GIGYF2: variants seen among roughly 807,000 people sequenced by gnomAD.
GIGYF2 encodes the protein GRB10-interacting GYF protein 2.
GIGYF2 carries 25 observed loss-of-function variants against 208.1 expected under a neutral mutation model. The observed-to-expected ratio is 0.12, with a 90% CI of 0.09 to 0.17. The LOEUF (loss-of-function observed/expected upper bound fraction) is 0.17. Among genes scored for constraint, GIGYF2 ranks in the 10% least tolerant of loss-of-function variants. The probability of loss-of-function intolerance (pLI) is 1.00; values close to 1 mark genes in which losing one functional copy is unlikely to be tolerated. For missense variants in GIGYF2, 1,302 were observed against 1,579.4 expected (o/e 0.82, Z 2.98); for synonymous variants, 534 against 543.8 (o/e 0.98, Z 0.25).
intron 8 of GIGYF2, among the ~76,000 whole-genome samples, chr2:232,771,777 C>T (rs899414014): frequency 6.6e-5 from 10 of 152,068 alleles, no homozygotes; most frequent in Non-Finnish European, 1.0e-4. Flanking sequence ...TATAATTATG[C>T]ATTATTCATA....
In GIGYF2 at chr2:232,832,915, A is replaced by C. The variant is rs1256425816; in HGVS notation, c.2588A>C (p.Glu863Ala). 11 of 1,564,954 alleles carry C rather than the reference A, an allele frequency of 7.0e-6. No homozygotes were observed. Among genetic ancestry groups the C allele is most frequent in the Non-Finnish European group, 9.5e-6 (11 of 1,154,600 alleles). ...EEEEAQRRLE[E>A]NRLRMEEEAA... The stretch of plus-strand genomic sequence containing the variant: ...GAAGAAGCCCAGCGTCGATTAGAGG[A>C]GAACCGGCTGCGGATGGAAGAGGAG... The change falls in exon 22 of 29, where the codon GAG (glutamate) becomes GCG (alanine). Residue 863 changes from glutamate (E) to alanine (A), a missense_variant. Physicochemically the swap from Glu to Ala is moderately radical, Grantham distance 107. Around this residue, in one of 8 missense-constraint regions of GIGYF2, gnomAD observed 701 missense variants for 793.0 expected, o/e 0.88. Transcript: ENST00000373563.
At chr2:232,747,084 C>T (rs1698176468) in intron 3 of GIGYF2, among the ~76,000 whole-genome samples, 1 of 152,040 alleles carries the variant, frequency 6.6e-6, no homozygotes. Flanking sequence ...TTTTGTATAG[C>T]ATACTTTATT....
intron 8 of GIGYF2, among the ~76,000 whole-genome samples, chr2:232,773,714 C>T (rs1699379495): frequency 6.6e-6 from 1 of 151,894 alleles, no homozygotes; most frequent in African/African-American, 2.4e-5. Flanking sequence ...TGCCAGGAAT[C>T]ATACCAAATA....
At chr2:232,768,210 T>C (rs764061215) in intron 8 of GIGYF2, 1 of 1,614,174 alleles carries the variant, frequency 6.2e-7, no homozygotes, top group Non-Finnish European at 8.5e-7. Flanking sequence ...CAGTCCTGTT[T>C]CAGAGATCTG....
chr2:232,723,727 C>CTTTTTT (rs142680480), intron 2 of GIGYF2, among the ~76,000 whole-genome samples: 13 of 65,506 alleles, frequency 2.0e-4, no homozygotes, highest in Non-Finnish European at 2.4e-4. Context: ...TGTGCCCGGC[C>CTTTTTT]TTTTTTTTTT....
chr2:232,775,498 T>C (rs1205449308), intron 8 of GIGYF2, among the ~76,000 whole-genome samples: 2 of 152,220 alleles, frequency 1.3e-5, no homozygotes, highest in East Asian at 1.9e-4. Flanking sequence ...TAAAAAATTA[T>C]ACTATTGTTA....
chr2:232,809,703 C>T lies in GIGYF2; in HGVS notation c.1807-17C>T, dbSNP rs372786733. 10 of 1,483,288 alleles carry T rather than the reference C, an allele frequency of 6.7e-6. No individual in the cohort carries two copies. The East Asian group carries it at 1.6e-4, about 23-fold the overall frequency. The allele number at this position is 1,483,288 out of a possible 1,614,324, so 91.9% of individuals were successfully genotyped here. A position where few individuals can be genotyped will look rare whatever the true frequency, so the allele number is the denominator to read the frequency against. On this transcript the variant is annotated splice_polypyrimidine_tract_variant and intron_variant, in intron 15 of 28. Transcript: ENST00000373563. ...GTTTATTTAATGGTATTTATTTCCT[C>T]ACCACTTCATTCCTAGGGAGAGCTG... is the stretch of plus-strand genomic sequence containing the variant.
Position 232,734,195 on chromosome 2 carries a change from C to T in GIGYF2, c.-43-960C>T, listed in dbSNP as rs546735910. Among the ~76,000 whole-genome samples, 214 of 149,964 alleles carry T rather than the reference C, an allele frequency of 1.4e-3. 1 individual carries two copies. The highest frequency in any genetic ancestry group is 3.4e-3 in the Middle Eastern group (1 of 292). On this transcript the variant is annotated intron_variant, in intron 2 of 28. Coordinates refer to ENST00000373563, the MANE Select transcript of GIGYF2 (RefSeq NM_001103146.3). ...GAACTCCTGGGCCCAAGCCGTCTGC[C>T]TGGCTTGGCCTCCCAAATTATAAAT...
intron 9 of GIGYF2, among the ~76,000 whole-genome samples, chr2:232,789,760 A>G (rs1266474588): frequency 6.6e-6 from 1 of 152,104 alleles, no homozygotes; most frequent in Non-Finnish European, 1.5e-5. Context: ...GAAAATTCTA[A>G]TAGGTTAAAG....
At chr2:232,788,131 T>A (rs1008714506) in intron 9 of GIGYF2, 1 of 153,840 alleles carries the variant, frequency 6.5e-6, no homozygotes, top group African/African-American at 2.4e-5. Flanking sequence ...TTATCAACCA[T>A]GTGCCAGAGG....
Position 232,843,555 on chromosome 2 carries a change from C to G in GIGYF2, c.2890-491C>G, listed in dbSNP as rs561275221. ...TCCAGTCTGGGCGACAGAGCGAGAC[C>G]CTGTCTCAAAAAAAAAAAAAAAAAA... is the stretch of plus-strand genomic sequence containing the variant. On this transcript the variant is annotated intron_variant, in intron 23 of 28. Transcript: ENST00000373563. 6.3e-3 allele frequency among the ~76,000 whole-genome samples: 815 copies of G among 129,346 alleles called. 3 individuals are homozygous for G. Among genetic ancestry groups the G allele is most frequent in the African/African-American group, 0.023 (777 of 34,350 alleles). 84.9% of individuals were successfully genotyped at this position (129,346 alleles called of 152,430 possible).
chr2:232,768,760 A>G, intron 8 of GIGYF2: 1 of 1,601,046 alleles, frequency 6.2e-7, no homozygotes, highest in Non-Finnish European at 8.5e-7. Context: ...GTGTCAGTAA[A>G]GCGAATTGAA....
At chr2:232,813,881 A>ATTTTTTTTTTTTTTTTTTTTTTTTTTT (rs397871962) in intron 18 of GIGYF2, among the ~76,000 whole-genome samples, 1 of 73,534 alleles carries the variant, frequency 1.4e-5, no homozygotes, top group Non-Finnish European at 2.7e-5. Flanking sequence ...TCACAAGTGG[A>ATTTTTTTTTTTTTTTTTTTTTTTTTTT]TTTTTTTTTT....
chr2:232,714,262 T>C (rs1330185189), intron 2 of GIGYF2, among the ~76,000 whole-genome samples: 1 of 152,184 alleles, frequency 6.6e-6, no homozygotes, highest in African/African-American at 2.4e-5. Context: ...AGGAACTGAT[T>C]TTAAAATTTT....
At chr2:232,713,078 TTC>T (rs1696504058) in intron 2 of GIGYF2, among the ~76,000 whole-genome samples, 1 of 23,710 alleles carries the variant, frequency 4.2e-5, no homozygotes, top group Non-Finnish European at 6.9e-5. Context: ...TAGAAAAAAC[TTC>T]TTTTTTTTTT....
intron 26 of GIGYF2, among the ~76,000 whole-genome samples, chr2:232,846,725 A>T (rs1215150489): frequency 6.6e-6 from 1 of 152,252 alleles, no homozygotes; most frequent in Non-Finnish European, 1.5e-5. Flanking sequence ...TTATTTGATT[A>T]GCAGTGATTT....
At chr2:232,801,858 G>A (rs1285235085) in intron 14 of GIGYF2, among the ~76,000 whole-genome samples, 1 of 152,198 alleles carries the variant, frequency 6.6e-6, no homozygotes, top group African/African-American at 2.4e-5. Context: ...TCTGTAGGTT[G>A]CTTTCGGTAG....
intron 5 of GIGYF2, among the ~76,000 whole-genome samples, chr2:232,754,248 T>A (rs1698448172): frequency 6.6e-6 from 1 of 151,824 alleles, no homozygotes; most frequent in South Asian, 2.1e-4. Context: ...TAGAGGACCA[T>A]GATTTTTAAA....
intron 3 of GIGYF2, among the ~76,000 whole-genome samples, chr2:232,736,871 C>G (rs1175558038): frequency 1.3e-5 from 2 of 152,032 alleles, no homozygotes; most frequent in Middle Eastern, 3.2e-3. Context: ...TTTCAGCATC[C>G]TGCTGTTTAT....
Sources: gnomAD v4.1 joint callset for allele counts (sites outside exome capture counted in the v4.1 genomes callset) on GRCh38, gnomAD v4.1.1 for gene constraint, gnomAD v4.1.1 regional missense constraint, MANE v1.5 for transcripts, NCBI Gene and HGNC (gene_info 2026-07-23, HGNC 2026-07-21) for gene names.